The following GPR26 variants were observed in gnomAD, a reference collection of about 807,000 sequenced individuals.
GPR26 encodes the protein G protein-coupled receptor 26.
GPR26 carries 15 observed loss-of-function variants against 23.1 expected under a neutral mutation model. That is an observed-to-expected ratio of 0.65 (90% CI 0.43 to 1.00). GPR26 has a LOEUF of 1.00. GPR26 is among the 50% of genes least tolerant of loss of function. GPR26 has a pLI of 0.00. For synonymous variants in GPR26, 228 were observed against 222.1 expected (o/e 1.03, Z -0.24); for missense variants, 359 against 470.5 (o/e 0.76, Z 2.19).
intron 2 of GPR26, among the ~76,000 whole-genome samples, chr10:123,679,720 C>T (rs1845347915): frequency 6.6e-6 from 1 of 152,158 alleles, no homozygotes; most frequent in African/African-American, 2.4e-5. Flanking sequence ...CTCTCAGAGG[C>T]CTCTGGGGAG....
chr10:123,687,875 C>A, intron 2 of GPR26, 54 bp from the exon 3 acceptor site: 1 of 1,299,118 alleles, frequency 7.7e-7, no homozygotes, highest in Non-Finnish European at 1.1e-6. Context: ...CCCATGGCCA[C>A]TCCCAGCGGT....
At chr10:123,667,563 G>C (rs796563619) in intron 1 of GPR26, among the ~76,000 whole-genome samples, 2 of 31,124 alleles carry the variant, frequency 6.4e-5, no homozygotes, top group Admixed American at 2.7e-4. Flanking sequence ...TCTCACGACT[G>C]TGTGTGTGTG....
In GPR26 at chr10:123,666,903, C is replaced by G; in HGVS notation, c.496C>G (p.Arg166Gly). 2 of 1,612,700 alleles carry G rather than the reference C, an allele frequency of 1.2e-6. No homozygotes were observed. Among genetic ancestry groups the G allele is most frequent in the Non-Finnish European group, 1.7e-6 (2 of 1,179,676 alleles). The change falls in exon 1 of 3, where the codon CGC becomes GGC. Residue 166 changes from arginine to glycine, a missense_variant. By Grantham distance (125) the Arg-to-Gly change is moderately radical (BLOSUM62 -2). Transcript: ENST00000284674. ...GCTGTGCAGCCGGCGGCCAGACGAG[C>G]GCCTGCGCTTCGCCGTCTTCACTGG... Reference protein sequence around the residue: ...CTLCSRRPDERLRFAVFTGAF... With the variant: ...CTLCSRRPDEGLRFAVFTGAF...
At chr10:123,667,269 G>A (rs1442167595) in intron 1 of GPR26, among the ~76,000 whole-genome samples, 194 bp downstream of exon 1, 4 of 152,314 alleles carry the variant, frequency 2.6e-5, no homozygotes, top group Middle Eastern at 3.4e-3. Context: ...CAAAAAATGC[G>A]GGTGAGCCCA....
At chr10:123,681,090 C>T (rs1258265510) in intron 2 of GPR26, among the ~76,000 whole-genome samples, 3 of 152,080 alleles carry the variant, frequency 2.0e-5, no homozygotes, top group Non-Finnish European at 2.9e-5. Flanking sequence ...CCACCTGCAT[C>T]GGCCTCCCAA....
At chr10:123,673,367 A>G (rs1325661975) in intron 1 of GPR26, among the ~76,000 whole-genome samples, 1 of 152,162 alleles carries the variant, frequency 6.6e-6, no homozygotes, top group Admixed American at 6.5e-5. Flanking sequence ...GCTCATGAAT[A>G]TTCTCTCCAC....
At chr10:123,669,592 G>T (rs1032273628) in intron 1 of GPR26, among the ~76,000 whole-genome samples, 14 of 152,190 alleles carry the variant, frequency 9.2e-5, no homozygotes, top group Non-Finnish European at 1.8e-4. Context: ...TTGCTCACTG[G>T]AAGTTTTGTC....
At chr10:123,680,796 C>G (rs796102291) in intron 2 of GPR26, among the ~76,000 whole-genome samples, 6 of 124,624 alleles carry the variant, frequency 4.8e-5, no homozygotes, top group Non-Finnish European at 9.6e-5. Flanking sequence ...TTAACATTCT[C>G]TTGGGTTTTT....
chr10:123,668,976 C>G (rs1266625965), intron 1 of GPR26, among the ~76,000 whole-genome samples: 1 of 152,208 alleles, frequency 6.6e-6, no homozygotes. Flanking sequence ...CGATGTCAGG[C>G]CAGACACTGC....
At position 123,695,504 on chromosome 10, in the gene GPR26, C is replaced by T. The variant is rs56049842; in HGVS notation, c.*7344C>T. On this transcript the variant is annotated 3_prime_UTR_variant, in exon 3 of 3. Transcript: ENST00000284674. ...AGAGTTAAGAGTATCACCATCAAGG[C>T]GCAAGGCTTCAGTCTTATCCCGGAC... is the stretch of plus-strand genomic sequence containing the variant. 3.5e-4 allele frequency among the ~76,000 whole-genome samples: 53 copies of T among 152,212 alleles called. No individual in the cohort carries two copies. Among genetic ancestry groups the T allele is most frequent in the African/African-American group, 1.2e-3 (51 of 41,514 alleles).
At position 123,666,403 on chromosome 10, in the gene GPR26, G is replaced by A. The variant is rs781682689; in HGVS notation, c.-5G>A. The A allele has an allele frequency of 3.5e-6, 5 of 1,427,568 alleles. No homozygotes were observed. The highest frequency in any genetic ancestry group is 1.5e-5 in the South Asian group (1 of 67,534). The allele number at this position is 1,427,568 out of a possible 1,614,324, so 88.4% of individuals were successfully genotyped here. ...GACCCTGAGCGCCGGCGCGGGGCGC[G>A]CACCATGAACTCGTGGGACGCGGGC... On this transcript the variant is annotated 5_prime_UTR_variant, in exon 1 of 3. Coordinates refer to ENST00000284674, the MANE Select transcript of GPR26 (RefSeq NM_153442.4).
At position 123,690,408 on chromosome 10, in the gene GPR26, G is replaced by C. The variant is rs942760093; in HGVS notation, c.*2248G>C. Reference sequence around the variant, plus strand: ...AATATCACTTTGGGAGAATAACTGTGGCACATGCTCTTTCTGCTTTCTCTG... The same window carrying C: ...AATATCACTTTGGGAGAATAACTGTCGCACATGCTCTTTCTGCTTTCTCTG... On this transcript the variant is annotated 3_prime_UTR_variant, in exon 3 of 3. Transcript: ENST00000284674. The C allele has an allele frequency of 2.6e-5, 4 of 152,262 alleles. No individual in the cohort carries two copies. The highest frequency in any genetic ancestry group is 9.6e-5 in the African/African-American group (4 of 41,526). The allele number at this position is 152,262 out of a possible 1,614,324, so 9.4% of individuals were successfully genotyped here.
rs1178949198 is a variant in GPR26, at chr10:123,666,779, G to T, written c.372G>T (p.Ala124=). The change falls in exon 1 of 3, where the codon GCG becomes GCT. Residue 124 remains alanine, a synonymous_variant. Coordinates refer to ENST00000284674, the MANE Select transcript of GPR26 (RefSeq NM_153442.4). ...CCAAGATGCGCCTCCGCGACGCGGC[G>T]CTCATGGTGGCCTACACGTGGCTGC... ...YRAKMRLRDA[A]LMVAYTWLHA... The T allele has an allele frequency of 1.9e-6, 3 of 1,604,454 alleles. No homozygotes were observed. The highest frequency in any genetic ancestry group is 3.4e-5 in the Admixed American group (2 of 59,466).
rs1845186397 is a variant in GPR26, at chr10:123,666,605, C to T, written c.198C>T (p.Gly66=). The change falls in exon 1 of 3, where the codon GGC becomes GGT. Residue 66 remains glycine, a synonymous_variant. Coordinates refer to ENST00000284674, the MANE Select transcript of GPR26 (RefSeq NM_153442.4). ...TVVNMPLTLA[G]VVAQRQPAGD... ...TCAACATGCCGCTCACGCTGGCCGG[C>T]GTCGTGGCGCAGCGGCAGCCGGCGG... The T allele has an allele frequency of 6.3e-7, 1 of 1,591,408 alleles. No individual in the cohort carries two copies. Among genetic ancestry groups the T allele is most frequent in the Non-Finnish European group, 8.5e-7 (1 of 1,171,652 alleles).
rs1222435254 is a variant in GPR26 at position 123,674,862 on chromosome 10, G to A, written c.713G>A (p.Arg238Gln). ...GAGGAGCAGAAGCGGAGGCGACAGC[G>A]AGCCACCAAGAAGATCAGCACCTTC... ...CLEEQKRRRQRATKKISTFIG... is the reference protein window; with the variant it reads ...CLEEQKRRRQQATKKISTFIG... The change falls in exon 2 of 3, where the codon CGA (arginine) becomes CAA (glutamine). Residue 238 changes from arginine to glutamine, a missense_variant. Physicochemically the swap from Arg to Gln is conservative, Grantham distance 43. Transcript: ENST00000284674. This position sits in a 1 kb window ranked among gnomAD's most constrained non-coding sequence, Gnocchi z 4.1. 5 of 1,613,288 alleles carry A rather than the reference G, an allele frequency of 3.1e-6. No individual in the cohort carries two copies. Among genetic ancestry groups the A allele is most frequent in the African/African-American group, 2.7e-5 (2 of 74,820 alleles).
chr10:123,688,024 T>A lies in GPR26; in HGVS notation c.878T>A (p.Val293Glu). The A allele has an allele frequency of 6.2e-7, 1 of 1,614,012 alleles. No homozygotes were observed. The highest frequency in any genetic ancestry group is 8.5e-7 in the Non-Finnish European group (1 of 1,179,916). ...AGCAAGGCCGCATCCGACCCCTTTGTGTACTCCTTACTGCGACACCAGTAC... is the reference window on the plus strand; with the variant it reads ...AGCAAGGCCGCATCCGACCCCTTTGAGTACTCCTTACTGCGACACCAGTAC... Reference protein sequence around the residue: ...AYSKAASDPFVYSLLRHQYRK... With the variant: ...AYSKAASDPFEYSLLRHQYRK... Residue 293 changes from valine to glutamate, a missense_variant, in exon 3 of 3, where the codon GTG (valine) becomes GAG (glutamate). Physicochemically the swap from Val to Glu is moderately radical, Grantham distance 121. Transcript: ENST00000284674.
Position 123,695,023 on chromosome 10 carries a change from C to T in GPR26, c.*6863C>T, listed in dbSNP as rs1845527235. Among the ~76,000 whole-genome samples, 1 of 152,174 alleles carries T rather than the reference C, an allele frequency of 6.6e-6. No homozygotes were observed. The highest frequency in any genetic ancestry group is 1.9e-4 in the East Asian group (1 of 5,184). On this transcript the variant is annotated 3_prime_UTR_variant, in exon 3 of 3. Coordinates refer to ENST00000284674, the MANE Select transcript of GPR26 (RefSeq NM_153442.4). ...ATACCCCCAGGACAAACGGAAAAAT[C>T]CACACAGCAGAAACAAGCAGTTGGC... is the stretch of plus-strand genomic sequence containing the variant.
At chr10:123,678,536 G>T (rs367784177) in intron 2 of GPR26, among the ~76,000 whole-genome samples, 57 of 152,320 alleles carry the variant, frequency 3.7e-4, no homozygotes, top group African/African-American at 1.3e-3. Flanking sequence ...AGGCAGCAGG[G>T]AGAGGAGTGC....
intron 2 of GPR26, among the ~76,000 whole-genome samples, chr10:123,680,282 C>T (rs1371960740): frequency 1.3e-5 from 2 of 152,206 alleles, no homozygotes; most frequent in African/African-American, 4.8e-5. Context: ...AATGTATTAC[C>T]GCAACAGGTT....
Sources: allele counts gnomAD v4.1 joint callset (sites outside exome capture counted in the v4.1 genomes callset), GRCh38; gene constraint gnomAD v4.1.1; non-coding constraint Gnocchi (gnomAD v3.1); transcripts MANE v1.5; gene names NCBI Gene and HGNC (gene_info 2026-07-23, HGNC 2026-07-21).